Variants in MXRA7 observed in about 807,000 individuals in gnomAD.
The protein encoded by MXRA7 is matrix-remodeling-associated protein 7.
In MXRA7, 18 loss-of-function variants were observed where a neutral mutation model predicts 17.4. The ratio of observed to expected loss-of-function variants is 1.03; its 90% confidence interval spans 0.71 to 1.53. The LOEUF (loss-of-function observed/expected upper bound fraction) is 1.53, where lower values mean the gene tolerates loss of function less well. Among genes scored for constraint, MXRA7 ranks in the 40% most tolerant of loss-of-function variants. The probability of loss-of-function intolerance (pLI) is 0.00; values close to 1 mark genes in which losing one functional copy is unlikely to be tolerated. For missense variants in MXRA7, 141 were observed against 209.3 expected (o/e 0.67, Z 2.01); for synonymous variants, 70 against 101.7 (o/e 0.69, Z 1.87).
chr17:76,687,135 C>T (rs1344424258), intron 2 of MXRA7, among the ~76,000 whole-genome samples: 1 of 152,170 alleles, frequency 6.6e-6, no homozygotes, highest in African/African-American at 2.4e-5. Flanking sequence ...TGCGGTGAGT[C>T]CCCAGTCCCC....
chr17:76,693,859 C>T (rs2076504224), intron 1 of MXRA7, among the ~76,000 whole-genome samples: 1 of 152,164 alleles, frequency 6.6e-6, no homozygotes, highest in South Asian at 2.1e-4. Context: ...GAAAACAAAA[C>T]AACAACACAA....
downstream of MXRA7, among the ~76,000 whole-genome samples, chr17:76,678,818 CCTCCT>C (rs1460988593): frequency 6.6e-6 from 1 of 152,166 alleles, no homozygotes; most frequent in Non-Finnish European, 1.5e-5. Context: ...TTCACCCTTC[CCTCCT>C]CTCCTCAGCC....
intron 1 of MXRA7, among the ~76,000 whole-genome samples, chr17:76,698,726 T>G (rs1414719038): frequency 9.8e-5 from 14 of 143,486 alleles, no homozygotes; most frequent in African/African-American, 3.6e-4. Context: ...TTTTTTTTTT[T>G]TTTTTTTTTT....
chr17:76,680,484 G>C lies in MXRA7; in HGVS notation c.*383C>G. The C allele has an allele frequency of 1.0e-6, 1 of 1,000,992 alleles. No individual in the cohort carries two copies. Among genetic ancestry groups the C allele is most frequent in the Non-Finnish European group, 1.2e-6 (1 of 840,278 alleles). The allele number at this position is 1,000,992 out of a possible 1,614,324, so 62.0% of individuals were successfully genotyped here. A position where few individuals can be genotyped will look rare whatever the true frequency, so the allele number is the denominator to read the frequency against. ...TTTGGCTTCAGTGAGGGCAAAAGAGGGGAGACTGGAGTGAAAGTGAACTCT... is the reference window on the plus strand; with the variant it reads ...TTTGGCTTCAGTGAGGGCAAAAGAGCGGAGACTGGAGTGAAAGTGAACTCT... On this transcript the variant is annotated 3_prime_UTR_variant, in exon 4 of 4. Coordinates refer to ENST00000449428, the MANE Select transcript of MXRA7 (RefSeq NM_198530.4).
chr17:76,677,231 G>T, downstream of MXRA7: 1 of 166,988 alleles, frequency 6.0e-6, no homozygotes, highest in Non-Finnish European at 1.3e-5. Flanking sequence ...GGTGGAGGTT[G>T]CAGTGAGCCA....
At chr17:76,690,533 C>T (rs2076469333) in intron 1 of MXRA7, among the ~76,000 whole-genome samples, 1 of 151,978 alleles carries the variant, frequency 6.6e-6, no homozygotes, top group Non-Finnish European at 1.5e-5. Flanking sequence ...ACATAGTGCA[C>T]ACCTCGCCTC....
At chr17:76,678,109 G>A (rs994793706), downstream of MXRA7, among the ~76,000 whole-genome samples, 5 of 152,184 alleles carry the variant, frequency 3.3e-5, no homozygotes, top group Admixed American at 1.3e-4. Context: ...AACAGCCTTC[G>A]TTGAGAGGAA....
chr17:76,706,432 A>C lies in MXRA7; in HGVS notation c.342+4173T>G, dbSNP rs867422488. On this transcript the variant is annotated intron_variant, in intron 1 of 3. Coordinates refer to ENST00000449428, the MANE Select transcript of MXRA7 (RefSeq NM_198530.4). Reference sequence around the variant, plus strand: ...GAGGCCCACACTGCCATCACAAAGGACCACACTGCCATCAAAAAGGACCAC... The same window carrying C: ...GAGGCCCACACTGCCATCACAAAGGCCCACACTGCCATCAAAAAGGACCAC... 2.2e-3 allele frequency among the ~76,000 whole-genome samples: 295 copies of C among 136,492 alleles called. 3 individuals are homozygous for C. The highest frequency in any genetic ancestry group is 0.012 in the East Asian group (46 of 3,898). 89.5% of individuals were successfully genotyped at this position (136,492 alleles called of 152,430 possible).
intron 1 of MXRA7, among the ~76,000 whole-genome samples, chr17:76,704,267 G>A (rs1395198379): frequency 1.5e-5 from 2 of 129,236 alleles, no homozygotes; most frequent in African/African-American, 5.7e-5. Flanking sequence ...GTGCAGTGGT[G>A]CGATCTCAGC....
intron 1 of MXRA7, among the ~76,000 whole-genome samples, chr17:76,697,934 G>C (rs1433718002): frequency 2.0e-5 from 3 of 151,942 alleles, no homozygotes; most frequent in Admixed American, 2.0e-4. Context: ...GATAAGGCGG[G>C]GGGAGGGGAG....
chr17:76,676,256 G>C (rs1028334880), downstream of MXRA7: 1 of 152,196 alleles, frequency 6.6e-6, no homozygotes. Flanking sequence ...CTGGAAGATA[G>C]GGACCAAGTT....
chr17:76,697,847 T>C (rs2076548225), intron 1 of MXRA7, among the ~76,000 whole-genome samples: 1 of 151,198 alleles, frequency 6.6e-6, no homozygotes, highest in African/African-American at 2.4e-5. Context: ...CCCTGGCTGA[T>C]TCAAGCTAAT....
At chr17:76,706,352 C>T (rs2076659851) in intron 1 of MXRA7, among the ~76,000 whole-genome samples, 1 of 113,732 alleles carries the variant, frequency 8.8e-6, no homozygotes, top group South Asian at 3.5e-4. Flanking sequence ...CAGAGGCCCA[C>T]TCTGCCATCA....
At chr17:76,688,415 A>G in intron 1 of MXRA7, 1 of 1,392,892 alleles carries the variant, frequency 7.2e-7, no homozygotes, top group Non-Finnish European at 9.3e-7. Flanking sequence ...TGTGCACCCC[A>G]AGCCCTCGGC....
At chr17:76,678,431 A>G (rs2076258529), downstream of MXRA7, among the ~76,000 whole-genome samples, 1 of 152,110 alleles carries the variant, frequency 6.6e-6, no homozygotes. Context: ...GCACAGGACA[A>G]CTTCTGCAGC....
At chr17:76,677,431 A>G, downstream of MXRA7, 1 of 593,360 alleles carries the variant, frequency 1.7e-6, no homozygotes, top group South Asian at 2.0e-5. Flanking sequence ...AAAGTAATAT[A>G]CACACTGCAA....
chr17:76,706,100 C>T (rs369203218), intron 1 of MXRA7, among the ~76,000 whole-genome samples: 290 of 151,878 alleles, frequency 1.9e-3, no homozygotes, highest in African/African-American at 5.6e-3. Flanking sequence ...CAAAGGCCCA[C>T]GCTGCCATCA....
At chr17:76,699,877 C>A (rs2076572287) in intron 1 of MXRA7, among the ~76,000 whole-genome samples, 1 of 152,222 alleles carries the variant, frequency 6.6e-6, no homozygotes, top group African/African-American at 2.4e-5. Context: ...CCACCCAGAG[C>A]AGCTCTGTTT....
chr17:76,680,680 G>T lies in MXRA7; in HGVS notation c.*187C>A. 6.9e-7 allele frequency: 1 copy of T among 1,439,010 alleles called. No homozygotes were observed. The highest frequency in any genetic ancestry group is 9.1e-7 in the Non-Finnish European group (1 of 1,094,972). The allele number at this position is 1,439,010 out of a possible 1,614,324, so 89.1% of individuals were successfully genotyped here. On this transcript the variant is annotated 3_prime_UTR_variant, in exon 4 of 4. Transcript: ENST00000449428. ...CATCTCTACACAGGGCAGGGCCAAA[G>T]GTGTTCCCAGGATCCTGCTAGCCAA...
Sources: allele counts gnomAD v4.1 joint callset (sites outside exome capture counted in the v4.1 genomes callset), GRCh38; gene constraint gnomAD v4.1.1; transcripts MANE v1.5; gene names NCBI Gene and HGNC (gene_info 2026-07-23, HGNC 2026-07-21).